NR2F1: variants seen among roughly 807,000 people sequenced by gnomAD.
The protein encoded by NR2F1 is COUP transcription factor 1.
NR2F1 carries 1 observed loss-of-function variant against 37.7 expected under a neutral mutation model. The observed-to-expected ratio is 0.03, with a 90% confidence interval of 0.01 to 0.13. The LOEUF (loss-of-function observed/expected upper bound fraction) is 0.13. Ranked by LOEUF, NR2F1 falls within the 10% of genes least tolerant of loss-of-function variation. NR2F1 has a pLI of 1.00. For synonymous variants in NR2F1, 275 were observed against 259.6 expected, an observed-to-expected ratio of 1.06 and a Z score of -0.57; for missense variants, 268 against 578.4, an observed-to-expected ratio of 0.46 and a Z score of 5.50.
intron 2 of NR2F1, among the ~76,000 whole-genome samples, chr5:93,592,637 C>A (rs1753350568): frequency 7.2e-6 from 1 of 138,390 alleles, no homozygotes; most frequent in Non-Finnish European, 1.6e-5. Context: ...AAGCTTATCT[C>A]CCCCCAAGTC....
chr5:93,589,147 G>A (rs560445421), intron 2 of NR2F1, among the ~76,000 whole-genome samples: 5 of 152,268 alleles, frequency 3.3e-5, no homozygotes, highest in Non-Finnish European at 7.4e-5. Flanking sequence ...TGTAGAACCC[G>A]CAAGTATGGG....
chr5:93,592,688 CCA>C (rs1055675951), intron 2 of NR2F1, among the ~76,000 whole-genome samples: 1 of 145,842 alleles, frequency 6.9e-6, no homozygotes, highest in Non-Finnish European at 1.5e-5. Context: ...CCCTACCCCC[CCA>C]GTTCTGAAGC....
intron 2 of NR2F1, among the ~76,000 whole-genome samples, chr5:93,592,734 T>C (rs1037958405): frequency 2.1e-5 from 3 of 140,794 alleles, no homozygotes; most frequent in Middle Eastern, 7.1e-3. Flanking sequence ...TAGCTTTGTG[T>C]CTGATTGCTG....
chr5:93,588,792 C>CGTGT (rs969188939), intron 2 of NR2F1, among the ~76,000 whole-genome samples: 7 of 141,082 alleles, frequency 5.0e-5, no homozygotes, highest in African/African-American at 1.1e-4. Context: ...CGCGCGCGCG[C>CGTGT]GTGTGTGTGT....
At chr5:93,590,803 T>C (rs923252798) in intron 2 of NR2F1, among the ~76,000 whole-genome samples, 3 of 152,234 alleles carry the variant, frequency 2.0e-5, no homozygotes, top group African/African-American at 7.2e-5. Flanking sequence ...TCCCCCGTGG[T>C]GGTTTTCACA....
Position 93,583,678 on chromosome 5 carries a change from G to C in NR2F1, c.-1346G>C, listed in dbSNP as rs976179936. The C allele has an allele frequency of 6.6e-6, 1 of 151,996 alleles. No homozygotes were observed. Among genetic ancestry groups the C allele is most frequent in the Non-Finnish European group, 1.5e-5 (1 of 68,006 alleles). 9.4% of individuals were successfully genotyped at this position (151,996 alleles called of 1,614,324 possible). ...TACTAAAAAAAGAACATTTTTGGGC[G>C]ATCTCCAGGGTTTTTTTAACTAGCT... On this transcript the variant is annotated 5_prime_UTR_variant, in exon 1 of 3. Transcript: ENST00000327111.
chr5:93,593,510 C>G lies in NR2F1; in HGVS notation c.992-52C>G. 6.4e-7 allele frequency: 1 copy of G among 1,566,014 alleles called. No individual in the cohort carries two copies. The highest frequency in any genetic ancestry group is 8.7e-7 in the Non-Finnish European group (1 of 1,147,304). ...TATTTTGCCTTTGCTATTTGTCAGC[C>G]TAACCGTGTGCTCCCTTTCCCTGTC... On this transcript the variant is annotated intron_variant, in intron 2 of 2. Coordinates refer to ENST00000327111, the MANE Select transcript of NR2F1 (RefSeq NM_005654.6). The surrounding 1 kb of genome is among the most constrained non-coding windows in gnomAD (Gnocchi z 5.6).
intron 2 of NR2F1, among the ~76,000 whole-genome samples, chr5:93,592,719 T>C (rs1193633942): frequency 1.5e-5 from 2 of 131,304 alleles, no homozygotes; most frequent in Middle Eastern, 3.8e-3. Context: ...CTGCTGCCTG[T>C]AGCCTAGCTT....
rs1027860295 is a variant in NR2F1 at position 93,583,555 on chromosome 5, G to A, written c.-1469G>A. 6.6e-6 allele frequency: 1 copy of A among 151,888 alleles called. No homozygotes were observed. The highest frequency in any genetic ancestry group is 2.4e-5 in the African/African-American group (1 of 41,314). The allele number at this position is 151,888 out of a possible 1,614,324, so 9.4% of individuals were successfully genotyped here. ...AAAAAAAGGAGGAGGAGGAGGAGGA[G>A]GCACCCCCTTCGTATTCTTCTTATC... is the stretch of plus-strand genomic sequence containing the variant. On this transcript the variant is annotated 5_prime_UTR_variant, in exon 1 of 3. Coordinates refer to ENST00000327111, the MANE Select transcript of NR2F1 (RefSeq NM_005654.6).
At position 93,593,782 on chromosome 5, in the gene NR2F1, C is replaced by T. The variant is rs761244180; in HGVS notation, c.1212C>T (p.Arg404=). 1.3e-5 allele frequency: 21 copies of T among 1,614,058 alleles called. No homozygotes were observed. Among genetic ancestry groups the T allele is most frequent in the African/African-American group, 5.3e-5 (4 of 74,912 alleles). ...VGKTPIETLI[R]DMLLSGSSFN... ...AAACCCCCATCGAAACTCTCATCCG[C>T]GATATGTTACTGTCTGGGAGCAGCT... The change falls in exon 3 of 3, where the codon CGC becomes CGT. Residue 404 remains arginine, a synonymous_variant. Transcript: ENST00000327111. The surrounding 1 kb of genome is among the most constrained non-coding windows in gnomAD (Gnocchi z 5.6).
In NR2F1 at chr5:93,593,504, G is replaced by T; in HGVS notation, c.992-58G>T. ...ATGGCTTATTTTGCCTTTGCTATTT[G>T]TCAGCCTAACCGTGTGCTCCCTTTC... On this transcript the variant is annotated intron_variant, in intron 2 of 2. Coordinates refer to ENST00000327111, the MANE Select transcript of NR2F1 (RefSeq NM_005654.6). The surrounding 1 kb of genome is among the most constrained non-coding windows in gnomAD (Gnocchi z 5.6). 2 of 1,517,780 alleles carry T rather than the reference G, an allele frequency of 1.3e-6. No homozygotes were observed. Among genetic ancestry groups the T allele is most frequent in the South Asian group, 1.2e-5 (1 of 81,862 alleles). 94.0% of individuals were successfully genotyped at this position (1,517,780 alleles called of 1,614,324 possible).
rs530910180 is a variant in NR2F1, at chr5:93,593,620, C to T, written c.1050C>T (p.Cys350=). ...AGAGCCTGCAGGAGAAGTCGCAGTG[C>T]GCACTGGAGGAGTACGTGAGGAGCC... is the stretch of plus-strand genomic sequence containing the variant. ...HIESLQEKSQ[C]ALEEYVRSQY... The change falls in exon 3 of 3, where the codon TGC becomes TGT. Residue 350 remains cysteine (C), a synonymous_variant. Coordinates refer to ENST00000327111, the MANE Select transcript of NR2F1 (RefSeq NM_005654.6). This position sits in a 1 kb window ranked among gnomAD's most constrained non-coding sequence, Gnocchi z 5.6. The T allele has an allele frequency of 1.9e-5, 30 of 1,614,050 alleles. No homozygotes were observed. In the South Asian group the frequency reaches 2.1e-4, roughly 11 times the overall value.
intron 2 of NR2F1, among the ~76,000 whole-genome samples, chr5:93,589,444 G>A (rs905093511): frequency 6.6e-6 from 1 of 152,252 alleles, no homozygotes; most frequent in Non-Finnish European, 1.5e-5. Context: ...GGGAGAAATA[G>A]AGACAAAGCC....
chr5:93,583,580 C>A lies in NR2F1; in HGVS notation c.-1444C>A. 6.7e-6 allele frequency: 1 copy of A among 150,248 alleles called. No homozygotes were observed. Among genetic ancestry groups the A allele is most frequent in the Middle Eastern group, 3.1e-3 (1 of 322 alleles). 9.3% of individuals were successfully genotyped at this position (150,248 alleles called of 1,614,324 possible). A position where few individuals can be genotyped will look rare whatever the true frequency, so the allele number is the denominator to read the frequency against. ...GGCACCCCCTTCGTATTCTTCTTAT[C>A]GTTATTTTATACATATATGATTTTT... is the stretch of plus-strand genomic sequence containing the variant. On this transcript the variant is annotated 5_prime_UTR_variant, in exon 1 of 3. Coordinates refer to ENST00000327111, the MANE Select transcript of NR2F1 (RefSeq NM_005654.6).
Position 93,593,761 on chromosome 5 carries a change from C to T in NR2F1, c.1191C>T (p.Thr397=), listed in dbSNP as rs1753374781. 1 of 1,614,080 alleles carries T rather than the reference C, an allele frequency of 6.2e-7. No individual in the cohort carries two copies. The highest frequency in any genetic ancestry group is 8.5e-7 in the Non-Finnish European group (1 of 1,180,046). ...TCTTCGTCCGTTTGGTAGGTAAAAC[C>T]CCCATCGAAACTCTCATCCGCGATA... The part of the protein sequence containing the change: ...QLFFVRLVGK[T]PIETLIRDML... The change falls in exon 3 of 3, where the codon ACC becomes ACT. Residue 397 remains threonine, a synonymous_variant. Transcript: ENST00000327111. The surrounding 1 kb of genome is among the most constrained non-coding windows in gnomAD (Gnocchi z 5.6).
At chr5:93,590,607 C>A (rs1052901547) in intron 2 of NR2F1, among the ~76,000 whole-genome samples, 9 of 152,200 alleles carry the variant, frequency 5.9e-5, no homozygotes, top group African/African-American at 1.9e-4. Flanking sequence ...TCACCTCCCC[C>A]CTCCCATGCA....
intron 2 of NR2F1, among the ~76,000 whole-genome samples, chr5:93,589,332 C>T (rs188746373): frequency 3.0e-4 from 46 of 152,302 alleles, no homozygotes; most frequent in African/African-American, 1.0e-3. Context: ...ATTAACGTTT[C>T]CTTTGAAGGG....
intron 2 of NR2F1, among the ~76,000 whole-genome samples, chr5:93,588,698 C>G (rs1328145674): frequency 6.6e-6 from 1 of 151,330 alleles, no homozygotes; most frequent in Non-Finnish European, 1.5e-5. Context: ...GGCCTAGTCG[C>G]CCGGACCCCT....
rs1482828690 is a variant in NR2F1 at position 93,583,321 on chromosome 5, T to C, written c.-1703T>C. 6.6e-6 allele frequency: 1 copy of C among 150,672 alleles called. No individual in the cohort carries two copies. The highest frequency in any genetic ancestry group is 1.5e-5 in the Non-Finnish European group (1 of 67,646). The allele number at this position is 150,672 out of a possible 1,614,324, so 9.3% of individuals were successfully genotyped here. A position where few individuals can be genotyped will look rare whatever the true frequency, so the allele number is the denominator to read the frequency against. On this transcript the variant is annotated 5_prime_UTR_variant, in exon 1 of 3. Transcript: ENST00000327111. ...TTCTTCTCTTCTCTCTCTCTCTCTCTCTCCTCTCTCTCTCTCCTCTTTCTC... is the reference window on the plus strand; with the variant it reads ...TTCTTCTCTTCTCTCTCTCTCTCTCCCTCCTCTCTCTCTCTCCTCTTTCTC...
Sources: gnomAD v4.1 joint callset for allele counts (sites outside exome capture counted in the v4.1 genomes callset) on GRCh38, gnomAD v4.1.1 for gene constraint, Gnocchi (gnomAD v3.1) non-coding constraint, MANE v1.5 for transcripts, NCBI Gene and HGNC (gene_info 2026-07-23, HGNC 2026-07-21) for gene names.